The following MIPOL1 variants were observed in gnomAD, a reference collection of about 807,000 sequenced individuals.
MIPOL1 encodes mirror-image polydactyly 1.
In MIPOL1, 57 loss-of-function variants were observed where a neutral mutation model predicts 60.9. That is an observed-to-expected ratio of 0.94 (90% CI 0.76 to 1.17). The LOEUF (loss-of-function observed/expected upper bound fraction) is 1.17. Ranked by LOEUF, MIPOL1 falls within the 50% of genes most tolerant of loss-of-function variation. The pLI, the probability that MIPOL1 is intolerant of heterozygous loss-of-function variation, is 0.00. For synonymous variants in MIPOL1, 179 were observed against 168.8 expected (o/e 1.06, Z -0.47); for missense variants, 551 against 511.6 (o/e 1.08, Z -0.74).
At chr14:37,391,586 G>T (rs1047687555) in intron 10 of MIPOL1, among the ~76,000 whole-genome samples, 1 of 151,804 alleles carries the variant, frequency 6.6e-6, no homozygotes, top group Admixed American at 6.6e-5. Context: ...AGTAGAAACG[G>T]GGTTTCAGCA....
At chr14:37,237,062 C>T (rs1204643525) in intron 1 of MIPOL1, among the ~76,000 whole-genome samples, 2 of 152,038 alleles carry the variant, frequency 1.3e-5, no homozygotes, top group Non-Finnish European at 2.9e-5. Flanking sequence ...GAAAGTCTTG[C>T]TCCAGCTTCT....
chr14:37,323,460 C>CT (rs1014336608), intron 9 of MIPOL1, among the ~76,000 whole-genome samples: 20 of 151,690 alleles, frequency 1.3e-4, no homozygotes, highest in South Asian at 2.1e-4. Flanking sequence ...GCTATACGGG[C>CT]TTTTTTTTGG....
intron 6 of MIPOL1, chr14:37,278,228 A>G (rs1430693224): frequency 1.3e-5 from 2 of 151,610 alleles, no homozygotes; most frequent in Non-Finnish European, 3.0e-5. Flanking sequence ...TTAATTTTCT[A>G]CTGGTGTGGG....
At chr14:37,463,243 A>T (rs1037213367) in intron 11 of MIPOL1, among the ~76,000 whole-genome samples, 6 of 152,040 alleles carry the variant, frequency 3.9e-5, no homozygotes, top group Non-Finnish European at 4.4e-5. Context: ...ATCTCATGAG[A>T]CCCACTCACT....
At chr14:37,363,137 T>C (rs2153487754) in intron 9 of MIPOL1, among the ~76,000 whole-genome samples, 1 of 152,284 alleles carries the variant, frequency 6.6e-6, no homozygotes, top group Middle Eastern at 3.4e-3. Context: ...ATTCTGCATC[T>C]AGCTTTGTTT....
rs2095558427 is a variant in MIPOL1, at chr14:37,550,183, C to A, written c.*3212C>A. 6.6e-6 allele frequency: 1 copy of A among 150,556 alleles called. No individual in the cohort carries two copies. Among genetic ancestry groups the A allele is most frequent in the South Asian group, 2.1e-4 (1 of 4,772 alleles). 9.3% of individuals were successfully genotyped at this position (150,556 alleles called of 1,614,324 possible). ...TTATTCAAATAAATTCAGTCATCTT[C>A]TTATCAGGTTGCTTATTTATATAAT... is the stretch of plus-strand genomic sequence containing the variant. On this transcript the variant is annotated 3_prime_UTR_variant, in exon 13 of 13. Transcript: ENST00000684589.
At chr14:37,276,017 T>C (rs1283912182) in intron 6 of MIPOL1, among the ~76,000 whole-genome samples, 4 of 151,240 alleles carry the variant, frequency 2.6e-5, no homozygotes, top group African/African-American at 9.7e-5. Flanking sequence ...TGAGATCCTC[T>C]TCCAATTAAA....
chr14:37,422,544 C>G (rs556841483), intron 10 of MIPOL1, among the ~76,000 whole-genome samples: 1 of 152,018 alleles, frequency 6.6e-6, no homozygotes, highest in Non-Finnish European at 1.5e-5. Flanking sequence ...GCTCTGAAAC[C>G]CATGTTCCAC....
At chr14:37,541,556 C>G (rs530920721) in intron 12 of MIPOL1, among the ~76,000 whole-genome samples, 1 of 152,314 alleles carries the variant, frequency 6.6e-6, no homozygotes, top group African/African-American at 2.4e-5. Context: ...TCAATACCAC[C>G]TAAAAATCCT....
At chr14:37,389,251 T>C (rs1325568170) in intron 10 of MIPOL1, among the ~76,000 whole-genome samples, 1 of 152,034 alleles carries the variant, frequency 6.6e-6, no homozygotes, top group Non-Finnish European at 1.5e-5. Context: ...AAAAAACAGA[T>C]TTTTACTGTA....
intron 1 of MIPOL1, among the ~76,000 whole-genome samples, chr14:37,225,766 C>A (rs986821139): frequency 5.3e-5 from 8 of 152,160 alleles, no homozygotes; most frequent in Admixed American, 2.6e-4. Context: ...TTGAATTTCT[C>A]CTCAGAAAAT....
chr14:37,411,649 A>G (rs892925126), intron 10 of MIPOL1, among the ~76,000 whole-genome samples: 2 of 152,108 alleles, frequency 1.3e-5, no homozygotes, highest in Non-Finnish European at 2.9e-5. Context: ...CTGTTCATTT[A>G]CATATTGTCT....
intron 1 of MIPOL1, among the ~76,000 whole-genome samples, chr14:37,201,558 C>A (rs1276453585): frequency 6.6e-6 from 1 of 151,966 alleles, no homozygotes; most frequent in East Asian, 1.9e-4. Flanking sequence ...TTGAGCTGTT[C>A]CATCTTGGGT....
chr14:37,545,288 C>T (rs917667448), intron 12 of MIPOL1, among the ~76,000 whole-genome samples: 17 of 152,284 alleles, frequency 1.1e-4, no homozygotes, highest in African/African-American at 4.1e-4. Context: ...TTCATACTCA[C>T]ATTTTTCTTT....
intron 9 of MIPOL1, among the ~76,000 whole-genome samples, chr14:37,335,437 C>T (rs1390833379): frequency 6.6e-6 from 1 of 152,026 alleles, no homozygotes; most frequent in East Asian, 1.9e-4. Flanking sequence ...GACAACTTCA[C>T]CCCTGACATT....
intron 10 of MIPOL1, among the ~76,000 whole-genome samples, chr14:37,419,605 A>G (rs1278405956): frequency 6.6e-6 from 1 of 152,210 alleles, no homozygotes; most frequent in Non-Finnish European, 1.5e-5. Flanking sequence ...CTTGTGTAAA[A>G]TGTTTATACT....
At chr14:37,441,795 T>A (rs1317689257) in intron 11 of MIPOL1, among the ~76,000 whole-genome samples, 5 of 152,180 alleles carry the variant, frequency 3.3e-5, no homozygotes, top group African/African-American at 1.2e-4. Flanking sequence ...TTCCCAATTC[T>A]ATGAAAAATG....
intron 10 of MIPOL1, among the ~76,000 whole-genome samples, chr14:37,388,304 A>G (rs1237057986): frequency 6.6e-6 from 1 of 151,886 alleles, no homozygotes; most frequent in Non-Finnish European, 1.5e-5. Context: ...GCATTAATAC[A>G]TTTGCTTGCC....
intron 3 of MIPOL1, among the ~76,000 whole-genome samples, chr14:37,262,154 A>G (rs927584686): frequency 3.9e-5 from 6 of 152,082 alleles, no homozygotes; most frequent in Non-Finnish European, 8.8e-5. Context: ...AAAGGGAAGC[A>G]TAGTTGGACA....
Sources: gnomAD v4.1 joint callset for allele counts (sites outside exome capture counted in the v4.1 genomes callset) on GRCh38, gnomAD v4.1.1 for gene constraint, MANE v1.5 for transcripts, NCBI Gene and HGNC (gene_info 2026-07-23, HGNC 2026-07-21) for gene names.